RAC2: variants seen among roughly 807,000 people sequenced by gnomAD.
RAC2 encodes ras-related C3 botulinum toxin substrate 2.
RAC2 carries 1 observed loss-of-function variant against 24.0 expected under a neutral mutation model. The observed-to-expected ratio is 0.04, with a 90% CI of 0.01 to 0.20. The LOEUF (loss-of-function observed/expected upper bound fraction) is 0.20. RAC2 is among the 10% of genes least tolerant of loss of function. The pLI, the probability that RAC2 is intolerant of heterozygous loss-of-function variation, is 1.00. For synonymous variants in RAC2, 114 were observed against 106.8 expected (o/e 1.07, Z -0.41); for missense variants, 130 against 259.1 (o/e 0.50, Z 3.42).
intron 2 of RAC2, 104 bp downstream of exon 2, chr22:37,241,483 G>GT (rs1381593890): frequency 4.9e-6 from 6 of 1,222,806 alleles, no homozygotes; most frequent in African/African-American, 3.0e-5. Context: ...GAGGCTGTGG[G>GT]TGCCCACACA....
At chr22:37,232,716 G>A in intron 3 of RAC2, 85 bp downstream of exon 3, 1 of 1,196,018 alleles carries the variant, frequency 8.4e-7, no homozygotes, top group South Asian at 1.2e-5. Context: ...GGGTTTCCCA[G>A]GCTGAGCTGG....
intron 2 of RAC2, 89 bp downstream of exon 2, chr22:37,241,498 C>T (rs1927389943): frequency 3.7e-6 from 5 of 1,362,038 alleles, no homozygotes; most frequent in Non-Finnish European, 5.3e-6. Flanking sequence ...CACACAGGGT[C>T]TGGCCCACAG....
At chr22:37,240,358 T>A (rs1927350938) in intron 2 of RAC2, among the ~76,000 whole-genome samples, 2 of 152,266 alleles carry the variant, frequency 1.3e-5, no homozygotes, top group Non-Finnish European at 2.9e-5. Context: ...CAGGACCGTG[T>A]AAGCCTGGGA....
In RAC2 at chr22:37,231,707, C is replaced by A. The variant is rs1391355027; in HGVS notation, c.288+225G>T. Reference sequence around the variant, plus strand: ...AGGTTGTGTGGGGAGGAGGAGAATGCAGCCATGGAAAGTGGGGGTATAGCT... The same window carrying A: ...AGGTTGTGTGGGGAGGAGGAGAATGAAGCCATGGAAAGTGGGGGTATAGCT... On this transcript the variant is annotated intron_variant, in intron 4 of 6. Coordinates refer to ENST00000249071, the MANE Select transcript of RAC2 (RefSeq NM_002872.5). The surrounding 1 kb of genome is among the most constrained non-coding windows in gnomAD (Gnocchi z 5.5). 6.6e-6 allele frequency among the ~76,000 whole-genome samples: 1 copy of A among 151,994 alleles called. No homozygotes were observed. Among genetic ancestry groups the A allele is most frequent in the Non-Finnish European group, 1.5e-5 (1 of 67,994 alleles).
At chr22:37,243,735 A>G (rs981553980) in intron 1 of RAC2, among the ~76,000 whole-genome samples, 2 of 152,234 alleles carry the variant, frequency 1.3e-5, no homozygotes, top group Middle Eastern at 3.2e-3. Flanking sequence ...AGCCCAGGTC[A>G]GCCTGGGGAC....
chr22:37,241,756 C>A, intron 1 of RAC2, 98 bp from the exon 2 acceptor site: 1 of 1,084,596 alleles, frequency 9.2e-7, no homozygotes, highest in Non-Finnish European at 1.4e-6. Flanking sequence ...CAGCATCCAC[C>A]CAGCCTAGCC....
chr22:37,240,237 C>A (rs1927347181), intron 2 of RAC2, among the ~76,000 whole-genome samples: 1 of 152,208 alleles, frequency 6.6e-6, no homozygotes, highest in Admixed American at 6.5e-5. Context: ...CTTCTGCCTG[C>A]CCTCCTCTTC....
rs77121303 is a variant in RAC2 at position 37,234,039 on chromosome 22, A to G, written c.108-1121T>C. 9.1e-3 allele frequency among the ~76,000 whole-genome samples: 1,386 copies of G among 152,206 alleles called. 10 individuals are homozygous for G. The highest frequency in any genetic ancestry group is 0.014 in the Non-Finnish European group (973 of 67,988). On this transcript the variant is annotated intron_variant, in intron 2 of 6. Transcript: ENST00000249071. ...TGTGAGGCACTGACCTTGACTCCCA[A>G]TGTCTCCCGCCAGACCCAGAGAGCC...
At chr22:37,232,321 G>A (rs1927090807) in intron 3 of RAC2, 1 of 473,892 alleles carries the variant, frequency 2.1e-6, no homozygotes, top group South Asian at 2.1e-5. Flanking sequence ...GCACTCTGGT[G>A]AGGGGAGGAT....
chr22:37,243,360 T>C (rs1325213231), intron 1 of RAC2, among the ~76,000 whole-genome samples: 1 of 152,050 alleles, frequency 6.6e-6, no homozygotes, highest in Non-Finnish European at 1.5e-5. Flanking sequence ...CAGCCTGAAG[T>C]CACTGGGATC....
intron 1 of RAC2, 54 bp downstream of exon 1, chr22:37,244,060 G>A: frequency 6.2e-7 from 1 of 1,610,972 alleles, no homozygotes; most frequent in Non-Finnish European, 8.5e-7. Flanking sequence ...CAGGGCGGAA[G>A]GATCTCAGGG....
intron 2 of RAC2, chr22:37,241,230 T>A: frequency 1.3e-6 from 1 of 756,944 alleles, no homozygotes; most frequent in Non-Finnish European, 2.5e-6. Flanking sequence ...TTCCTTGGAG[T>A]CAGGCTCTCT....
chr22:37,238,366 C>T (rs997562851), intron 2 of RAC2, among the ~76,000 whole-genome samples: 2 of 151,920 alleles, frequency 1.3e-5, no homozygotes, highest in African/African-American at 4.8e-5. Context: ...TCTCCCGAGT[C>T]GCTGGGACTA....
intron 2 of RAC2, among the ~76,000 whole-genome samples, chr22:37,236,947 T>A (rs1927242558): frequency 1.3e-5 from 2 of 151,886 alleles, no homozygotes; most frequent in Admixed American, 6.6e-5. Flanking sequence ...TCCCAGCACT[T>A]TGGGAGGCTG....
At chr22:37,229,431 TC>T (rs1442895796) in intron 5 of RAC2, among the ~76,000 whole-genome samples, 6 of 152,184 alleles carry the variant, frequency 3.9e-5, no homozygotes, top group African/African-American at 1.2e-4. Context: ...CGAGCCTGTT[TC>T]CTCTCTGTAA....
At position 37,226,808 on chromosome 22, in the gene RAC2, T is replaced by C. The variant is rs1162415683; in HGVS notation, c.449-5A>G. The C allele has an allele frequency of 5.6e-6, 9 of 1,612,078 alleles. No homozygotes were observed. Among genetic ancestry groups the C allele is most frequent in the Non-Finnish European group, 7.6e-6 (9 of 1,179,330 alleles). On this transcript the variant is annotated splice_region_variant and splice_polypyrimidine_tract_variant and intron_variant, in intron 5 of 6. Coordinates refer to ENST00000249071, the MANE Select transcript of RAC2 (RefSeq NM_002872.5). ...ACTCCAGGTATTTCACCGAGTCTGG[T>C]TGGGGAGATGGACAGGAGAGCCAAG...
At chr22:37,238,289 T>C (rs1045486573) in intron 2 of RAC2, among the ~76,000 whole-genome samples, 2 of 152,044 alleles carry the variant, frequency 1.3e-5, no homozygotes, top group East Asian at 1.9e-4. Context: ...CAGGCTGGAG[T>C]GCAGTAGCAC....
At chr22:37,236,454 G>C (rs1295316754) in intron 2 of RAC2, among the ~76,000 whole-genome samples, 1 of 152,252 alleles carries the variant, frequency 6.6e-6, no homozygotes, top group Non-Finnish European at 1.5e-5. Flanking sequence ...CAGAGAGGAA[G>C]GGACTTGCCC....
At chr22:37,230,879 T>C (rs748689383) in intron 5 of RAC2, among the ~76,000 whole-genome samples, 4 of 152,138 alleles carry the variant, frequency 2.6e-5, no homozygotes, top group Non-Finnish European at 5.9e-5. Context: ...GCACACCTCC[T>C]TATTTTCAGT....
Sources: allele counts gnomAD v4.1 joint callset (sites outside exome capture counted in the v4.1 genomes callset), GRCh38; gene constraint gnomAD v4.1.1; non-coding constraint Gnocchi (gnomAD v3.1); transcripts MANE v1.5; gene names NCBI Gene and HGNC (gene_info 2026-07-23, HGNC 2026-07-21).